MAP2K1: variants seen among roughly 807,000 people sequenced by gnomAD.
MAP2K1 encodes the protein mitogen-activated protein kinase kinase 1, also known as dual specificity mitogen-activated protein kinase kinase 1.
MAP2K1 carries 16 observed loss-of-function variants against 46.3 expected under a neutral mutation model. The ratio of observed to expected loss-of-function variants is 0.35; its 90% confidence interval spans 0.23 to 0.52. The LOEUF is 0.52. MAP2K1 is among the 20% of genes least tolerant of loss of function. The probability of loss-of-function intolerance (pLI) is 0.94; values close to 1 mark genes in which losing one functional copy is unlikely to be tolerated. For missense variants in MAP2K1, 263 were observed against 497.1 expected (o/e 0.53, Z 4.48); for synonymous variants, 183 against 185.6 (o/e 0.99, Z 0.11).
At position 66,436,777 on chromosome 15, in the gene MAP2K1, G is replaced by A. The variant is rs727504819; in HGVS notation, c.323G>A (p.Arg108Gln). ...CATCTGGAGATCAAACCCGCAATCC[G>A]GAACCAGATCATAAGGGAGCTGCAG... ...LIHLEIKPAIRNQIIRELQVL... is the reference protein window; with the variant it reads ...LIHLEIKPAIQNQIIRELQVL... Residue 108 changes from arginine to glutamine, a missense_variant, in exon 3 of 11, where the codon CGG becomes CAG. By Grantham distance (43) the Arg-to-Gln change is conservative. This residue lies in a region of MAP2K1 where 103 missense variants were observed against 221.6 expected (regional missense o/e 0.46). Transcript: ENST00000307102. 6.8e-6 allele frequency: 11 copies of A among 1,614,114 alleles called. No homozygotes were observed. The highest frequency in any genetic ancestry group is 2.2e-5 in the East Asian group (1 of 44,874).
chr15:66,425,378 G>C (rs1312060362), intron 1 of MAP2K1, among the ~76,000 whole-genome samples: 4 of 151,074 alleles, frequency 2.6e-5, no homozygotes. Flanking sequence ...ACTCAATTTA[G>C]CAGAATTTTT....
At chr15:66,392,120 G>A (rs2093357230) in intron 1 of MAP2K1, among the ~76,000 whole-genome samples, 1 of 152,024 alleles carries the variant, frequency 6.6e-6, no homozygotes, top group Non-Finnish European at 1.5e-5. Flanking sequence ...TTAAAGTTTT[G>A]CCTAGAGGTG....
chr15:66,443,080 G>GTTTTT (rs1201534749), intron 3 of MAP2K1, among the ~76,000 whole-genome samples, 200 bp from the exon 4 acceptor site: 5 of 72,900 alleles, frequency 6.9e-5, no homozygotes, highest in Admixed American at 6.4e-4. Context: ...TTTTGTGTGT[G>GTTTTT]TATTTTTTTT....
chr15:66,433,002 T>TGTGTTGA (rs1567008282), intron 1 of MAP2K1, among the ~76,000 whole-genome samples: 1 of 21,302 alleles, frequency 4.7e-5, no homozygotes, highest in East Asian at 2.6e-3. Context: ...GTGTGTGTGT[T>TGTGTTGA]GACAGCTTTT....
chr15:66,458,933 T>C (rs1892241079), intron 5 of MAP2K1, among the ~76,000 whole-genome samples: 2 of 152,124 alleles, frequency 1.3e-5, no homozygotes, highest in African/African-American at 4.8e-5. Context: ...GCCTCAAAAG[T>C]GTTCCTTTAT....
chr15:66,444,389 C>G (rs1210414905), intron 4 of MAP2K1, among the ~76,000 whole-genome samples: 2 of 151,660 alleles, frequency 1.3e-5, no homozygotes, highest in African/African-American at 4.8e-5. Flanking sequence ...CAAAATTAGC[C>G]GGGGGTGGTA....
chr15:66,391,434 G>T (rs929828322), intron 1 of MAP2K1, among the ~76,000 whole-genome samples: 9 of 152,052 alleles, frequency 5.9e-5, no homozygotes, highest in African/African-American at 2.2e-4. Context: ...GACTACAGGC[G>T]CCCACCACTG....
chr15:66,419,632 G>A (rs2093432834), intron 1 of MAP2K1, among the ~76,000 whole-genome samples: 1 of 152,138 alleles, frequency 6.6e-6, no homozygotes, highest in Admixed American at 6.6e-5. Context: ...CCCCCTGTCT[G>A]ATTCAGGATG....
chr15:66,482,268 TAGAC>T (rs1307029960), intron 6 of MAP2K1, among the ~76,000 whole-genome samples: 3 of 152,166 alleles, frequency 2.0e-5, no homozygotes, highest in South Asian at 4.1e-4. Context: ...TAGCAGTAAA[TAGAC>T]AGCATCATCT....
At chr15:66,407,171 G>C (rs2093399613) in intron 1 of MAP2K1, among the ~76,000 whole-genome samples, 1 of 151,954 alleles carries the variant, frequency 6.6e-6, no homozygotes, top group African/African-American at 2.4e-5. Context: ...TTGGGAATAG[G>C]CTTCTGAGAG....
At chr15:66,423,511 T>C (rs1209624476) in intron 1 of MAP2K1, among the ~76,000 whole-genome samples, 1 of 151,528 alleles carries the variant, frequency 6.6e-6, no homozygotes, top group East Asian at 1.9e-4. Flanking sequence ...GCAATCTTGG[T>C]TCACTGCAAC....
In MAP2K1 at chr15:66,449,937, A is replaced by T. The variant is rs1891992237; in HGVS notation, c.568+5230A>T. ...CAGCAGCACATCAAAAAGCTTATCC[A>T]CCATGATCAAGTGGGCTTCATCCCT... is the stretch of plus-strand genomic sequence containing the variant. On this transcript the variant is annotated intron_variant, in intron 5 of 10. Transcript: ENST00000307102. 2.0e-5 allele frequency among the ~76,000 whole-genome samples: 3 copies of T among 148,932 alleles called. No individual in the cohort carries two copies. In the Admixed American group the frequency reaches 2.0e-4, roughly 10 times the overall value.
chr15:66,413,096 A>G lies in MAP2K1; in HGVS notation c.81-21931A>G, dbSNP rs192308892. Among the ~76,000 whole-genome samples the G allele has an allele frequency of 3.5e-3, 526 of 152,122 alleles. 2 individuals carry two copies. Among genetic ancestry groups the G allele is most frequent in the South Asian group, 0.02 (97 of 4,824 alleles). ...TTTTTAGTAGAGACAGGGTTTCACC[A>G]TGTTGGCCAGGCTGGCCTCGAACTC... On this transcript the variant is annotated intron_variant, in intron 1 of 10. Coordinates refer to ENST00000307102, the MANE Select transcript of MAP2K1 (RefSeq NM_002755.4).
chr15:66,469,723 C>CACACACACACACACACACACACACAT lies in MAP2K1; in HGVS notation c.569-12031_569-12030insCACACACACACACACACACACACATA, dbSNP rs143830560. Among the ~76,000 whole-genome samples the CACACACACACACACACACACACACAT allele has an allele frequency of 5.8e-3, 780 of 134,448 alleles. 38 individuals carry two copies. The highest frequency in any genetic ancestry group is 7.5e-3 in the East Asian group (29 of 3,876). 88.2% of individuals were successfully genotyped at this position (134,448 alleles called of 152,430 possible). A position where few individuals can be genotyped will look rare whatever the true frequency, so the allele number is the denominator to read the frequency against. On this transcript the variant is annotated intron_variant, in intron 5 of 10. Transcript: ENST00000307102. Reference sequence around the variant, plus strand: ...ACACACACACACACACACACACACACATATCGGATGTTAGCTTTTAATTAA... The same window carrying CACACACACACACACACACACACACAT: ...ACACACACACACACACACACACACACACACACACACACACACACACACACATATATCGGATGTTAGCTTTTAATTAA...
chr15:66,479,767 T>C (rs1171819349), intron 5 of MAP2K1, among the ~76,000 whole-genome samples: 1 of 152,142 alleles, frequency 6.6e-6, no homozygotes, highest in Non-Finnish European at 1.5e-5. Context: ...CGTCCTGCCC[T>C]CCTGCAGCTG....
intron 5 of MAP2K1, among the ~76,000 whole-genome samples, chr15:66,459,921 G>A (rs1892274892): frequency 6.6e-6 from 1 of 152,254 alleles, no homozygotes; most frequent in South Asian, 2.1e-4. Flanking sequence ...AGGCATCGCT[G>A]AGCAGAAGTC....
At position 66,436,803 on chromosome 15, in the gene MAP2K1, G is replaced by A. The variant is rs2140583700; in HGVS notation, c.349G>A (p.Val117Ile). ...GAACCAGATCATAAGGGAGCTGCAG[G>A]TTCTGCATGAGTGCAACTCTCCGTA... The part of the protein sequence containing the change: ...IRNQIIRELQ[V>I]LHECNSPYIV... The change falls in exon 3 of 11, where the codon GTT (valine) becomes ATT (isoleucine). Residue 117 changes from valine (V) to isoleucine (I), a missense_variant. Val to Ile is a conservative substitution (Grantham distance 29). This residue lies in a region of MAP2K1 where 103 missense variants were observed against 221.6 expected (regional missense o/e 0.46). Transcript: ENST00000307102. 6.2e-7 allele frequency: 1 copy of A among 1,614,198 alleles called. No homozygotes were observed.
At chr15:66,445,990 G>A (rs548690790) in intron 5 of MAP2K1, among the ~76,000 whole-genome samples, 5 of 152,178 alleles carry the variant, frequency 3.3e-5, no homozygotes, top group East Asian at 1.9e-4. Flanking sequence ...TTGGGAGGTC[G>A]AGGCGGGCAG....
rs573929410 is a variant in MAP2K1, at chr15:66,404,774, CGGTGAGCGGAAAT to C, written c.80+17361_80+17373del. ...AGGAGGGTGAGAGCTGGAGGGGACA[CGGTGAGCGGAAAT>C]GGTGAGCGGAAATCAGTGGTTCCTG... On this transcript the variant is annotated intron_variant, in intron 1 of 10. Transcript: ENST00000307102. Among the ~76,000 whole-genome samples the C allele has an allele frequency of 2.4e-3, 359 of 152,222 alleles. 1 individual carries two copies. Among genetic ancestry groups the C allele is most frequent in the African/African-American group, 7.6e-3 (316 of 41,512 alleles).
Sources: allele counts gnomAD v4.1 joint callset (sites outside exome capture counted in the v4.1 genomes callset), GRCh38; gene constraint gnomAD v4.1.1; regional missense constraint gnomAD v4.1.1; transcripts MANE v1.5; gene names NCBI Gene and HGNC (gene_info 2026-07-23, HGNC 2026-07-21).